The following ABL1 variants were observed in gnomAD, a reference collection of about 807,000 sequenced individuals.
ABL1 encodes tyrosine-protein kinase ABL1.
In ABL1, 11 loss-of-function variants were observed where a neutral mutation model predicts 94.7. The observed-to-expected ratio is 0.12, with a 90% CI of 0.07 to 0.19. The LOEUF is 0.19. Ranked by LOEUF, ABL1 falls within the 10% of genes least tolerant of loss-of-function variation. The pLI is 1.00. For missense variants in ABL1, 1,082 were observed against 1,489.4 expected, an observed-to-expected ratio of 0.73 and a Z score of 4.50; for synonymous variants, 656 against 622.4, an observed-to-expected ratio of 1.05 and a Z score of -0.80.
intron 1 of ABL1, among the ~76,000 whole-genome samples, chr9:130,748,746 T>A: frequency 6.6e-6 from 1 of 152,080 alleles, no homozygotes; most frequent in African/African-American, 2.4e-5. Flanking sequence ...CCGGCTAATT[T>A]TTGTATTTTT....
intron 1 of ABL1, chr9:130,724,748 A>G (rs1279996484): frequency 3.0e-5 from 1 of 32,948 alleles, no homozygotes; most frequent in Non-Finnish European, 5.1e-5. Flanking sequence ...CCCTGTCTTT[A>G]AAAAAAAAAA....
chr9:130,733,930 A>G (rs1164062961), intron 1 of ABL1, among the ~76,000 whole-genome samples: 3 of 152,064 alleles, frequency 2.0e-5, no homozygotes, highest in East Asian at 1.9e-4. Context: ...GGTCTATGGT[A>G]TAGGCAGGAT....
chr9:130,717,653 G>C (rs11244107), intron 1 of ABL1, among the ~76,000 whole-genome samples: 29,055 of 149,690 alleles, frequency 0.19, 3,467 homozygotes, highest in Middle Eastern at 0.39. Flanking sequence ...CCGTGTCTCT[G>C]GGGGGTAAAA....
Position 130,871,860 on chromosome 9 carries a change from A to G in ABL1, c.823-269A>G, listed in dbSNP as rs1445326712. ...AGCACATGTGGCCTGCCTAGCAGGC[A>G]CCAGAAGCAGGTTGTCGGCACATGC... On this transcript the variant is annotated intron_variant, in intron 4 of 10. Transcript: ENST00000318560. Among the ~76,000 whole-genome samples, 3 of 152,364 alleles carry G rather than the reference A, an allele frequency of 2.0e-5. No individual in the cohort carries two copies. The East Asian group carries it at 5.8e-4, about 29-fold the overall frequency.
intron 1 of ABL1, among the ~76,000 whole-genome samples, chr9:130,723,573 A>G (rs191325400): frequency 1.3e-5 from 2 of 152,052 alleles, no homozygotes; most frequent in Admixed American, 1.3e-4. Context: ...CAAACAAACA[A>G]AAAACAAACC....
At chr9:130,730,045 A>ATTTTTTTTTTTTTT (rs1180765530) in intron 1 of ABL1, among the ~76,000 whole-genome samples, 5 of 55,330 alleles carry the variant, frequency 9.0e-5, no homozygotes, top group Admixed American at 1.9e-4. Flanking sequence ...GCCCAGCCAG[A>ATTTTTTTTTTTTTT]CTTTTTTTTT....
At chr9:130,786,059 G>A (rs1829821346) in intron 1 of ABL1, among the ~76,000 whole-genome samples, 1 of 152,134 alleles carries the variant, frequency 6.6e-6, no homozygotes, top group African/African-American at 2.4e-5. Context: ...ATTTCCAAGA[G>A]GGGAGCATGC....
intron 3 of ABL1, among the ~76,000 whole-genome samples, chr9:130,861,065 C>A (rs563259749): frequency 2.5e-4 from 38 of 152,160 alleles, no homozygotes; most frequent in Non-Finnish European, 1.0e-4. Flanking sequence ...GAGCAGTTCA[C>A]TCAGAGGCTT....
intron 1 of ABL1, among the ~76,000 whole-genome samples, chr9:130,762,146 A>AAAAAG (rs1444050722): frequency 7.3e-5 from 11 of 151,156 alleles, no homozygotes; most frequent in African/African-American, 2.4e-4. Flanking sequence ...TCCCAGCTCA[A>AAAAAG]AAAAAAAAAA....
intron 1 of ABL1, among the ~76,000 whole-genome samples, chr9:130,827,999 G>A (rs1215436726): frequency 6.6e-6 from 1 of 150,582 alleles, no homozygotes; most frequent in Non-Finnish European, 1.5e-5. Context: ...TATCCTTGGA[G>A]AGAGAGATTG....
intron 1 of ABL1, among the ~76,000 whole-genome samples, chr9:130,726,146 C>T (rs12377801): frequency 0.19 from 29,470 of 151,782 alleles, 3,540 homozygotes; most frequent in Middle Eastern, 0.38. Context: ...CTCCCTTGCG[C>T]GACCTGATAT....
intron 1 of ABL1, among the ~76,000 whole-genome samples, chr9:130,720,097 A>G (rs907447664): frequency 9.2e-5 from 14 of 152,188 alleles, no homozygotes; most frequent in African/African-American, 3.4e-4. Flanking sequence ...ACAAACATTT[A>G]TTTTATTGAG....
chr9:130,807,011 G>A (rs961758876), intron 1 of ABL1, among the ~76,000 whole-genome samples: 8 of 152,012 alleles, frequency 5.3e-5, no homozygotes, highest in Admixed American at 3.3e-4. Context: ...TTAGCTGGGC[G>A]TAGTGGCGGG....
rs1166916976 is a variant in ABL1, at chr9:130,855,100, G to A, written c.549+4G>A. The A allele has an allele frequency of 6.2e-7, 1 of 1,610,170 alleles. No homozygotes were observed. Among genetic ancestry groups the A allele is most frequent in the Admixed American group, 1.7e-5 (1 of 59,950 alleles). On this transcript the variant is annotated splice_donor_region_variant and intron_variant, in intron 3 of 10. Coordinates refer to ENST00000318560, the MANE Select transcript of ABL1 (RefSeq NM_005157.6). ...CAACACTGCTTCTGATGGCAAGGTA[G>A]GGGACCCTTGGCAGGGGGCGCTGAT...
intron 1 of ABL1, among the ~76,000 whole-genome samples, chr9:130,810,435 G>A (rs574964430): frequency 4.6e-5 from 7 of 152,260 alleles, no homozygotes; most frequent in African/African-American, 1.7e-4. Context: ...GGCAGAGGTT[G>A]CAGTAAGCCA....
At chr9:130,846,828 T>C (rs943387741) in intron 1 of ABL1, among the ~76,000 whole-genome samples, 5 of 152,256 alleles carry the variant, frequency 3.3e-5, no homozygotes, top group East Asian at 1.9e-4. Context: ...CGAGAATCTT[T>C]TGTAAACATT....
chr9:130,854,244 G>C lies in ABL1; in HGVS notation c.253+7G>C, dbSNP rs753259336. 1 of 1,612,456 alleles carries C rather than the reference G, an allele frequency of 6.2e-7. No homozygotes were observed. Among genetic ancestry groups the C allele is most frequent in the African/African-American group, 1.3e-5 (1 of 74,898 alleles). On this transcript the variant is annotated splice_region_variant and intron_variant, in intron 2 of 10. Transcript: ENST00000318560. ...ACTCTAAGCATAACTAAAGGTAAAAGGGTTGTGGGCAGCTAGTGGTGGTTG... is the reference window on the plus strand; with the variant it reads ...ACTCTAAGCATAACTAAAGGTAAAACGGTTGTGGGCAGCTAGTGGTGGTTG...
chr9:130,727,440 T>G (rs892710617), intron 1 of ABL1, among the ~76,000 whole-genome samples: 6 of 152,098 alleles, frequency 3.9e-5, no homozygotes, highest in Admixed American at 6.6e-5. Context: ...TATTTTTTCC[T>G]TTAATTCTAT....
rs142934106 is a variant in ABL1 at position 130,881,877 on chromosome 9, T to TAA, written c.1678+1222_1678+1223dup. The stretch of plus-strand genomic sequence containing the variant: ...GAGTTTTATCACGTACTCTCATTAG[T>TAA]AAAAAAAAAACAAAAAAAAACAGAA... On this transcript the variant is annotated intron_variant, in intron 10 of 10. Coordinates refer to ENST00000318560, the MANE Select transcript of ABL1 (RefSeq NM_005157.6). Among the ~76,000 whole-genome samples, 377 of 138,564 alleles carry TAA rather than the reference T, an allele frequency of 2.7e-3. 1 individual carries two copies. The highest frequency in any genetic ancestry group is 6.4e-3 in the South Asian group (28 of 4,374). The allele number at this position is 138,564 out of a possible 152,430, so 90.9% of individuals were successfully genotyped here. A position where few individuals can be genotyped will look rare whatever the true frequency, so the allele number is the denominator to read the frequency against.
Sources: gnomAD v4.1 joint callset for allele counts (sites outside exome capture counted in the v4.1 genomes callset) on GRCh38, gnomAD v4.1.1 for gene constraint, MANE v1.5 for transcripts, NCBI Gene and HGNC (gene_info 2026-07-23, HGNC 2026-07-21) for gene names.